Variants in STK36 observed in about 807,000 individuals in gnomAD.
STK36 encodes the protein serine/threonine kinase 36.
STK36 carries 116 observed loss-of-function variants against 142.2 expected under a neutral mutation model. The ratio of observed to expected loss-of-function variants is 0.82; its 90% CI spans 0.70 to 0.95. The LOEUF (loss-of-function observed/expected upper bound fraction) is 0.95, where lower values mean the gene tolerates loss of function less well. Among genes scored for constraint, STK36 ranks in the 40% least tolerant of loss-of-function variants. STK36 has a pLI of 0.00. For synonymous variants in STK36, 619 were observed against 641.7 expected, an observed-to-expected ratio of 0.96 and a Z score of 0.53; for missense variants, 1,422 against 1,617.2, an observed-to-expected ratio of 0.88 and a Z score of 2.07.
intron 7 of STK36, 35 bp downstream of exon 7, chr2:218,679,296 C>G: frequency 6.3e-7 from 1 of 1,583,230 alleles, no homozygotes; most frequent in Non-Finnish European, 8.7e-7. Flanking sequence ...TCTTGGACTT[C>G]CCAGTACTTC....
chr2:218,691,347 G>C (rs1049916203), intron 14 of STK36, among the ~76,000 whole-genome samples: 1 of 152,172 alleles, frequency 6.6e-6, no homozygotes, highest in Non-Finnish European at 1.5e-5. Context: ...CCTGGTCTGA[G>C]ATCCTGTTTT....
intron 4 of STK36, among the ~76,000 whole-genome samples, chr2:218,674,854 C>T (rs1353580197): frequency 2.0e-5 from 3 of 152,180 alleles, no homozygotes; most frequent in Non-Finnish European, 4.4e-5. Context: ...CCCGCCTCAG[C>T]CTCCCAAAGT....
At chr2:218,681,760 T>C (rs1237651558) in intron 10 of STK36, among the ~76,000 whole-genome samples, 2 of 152,146 alleles carry the variant, frequency 1.3e-5, no homozygotes, top group East Asian at 3.9e-4. Flanking sequence ...AACTCACTCC[T>C]GCAAGGCCTT....
rs932150537 is a variant in STK36, at chr2:218,694,724, A to G, written c.2511+89A>G. On this transcript the variant is annotated intron_variant, in intron 21 of 26. Transcript: ENST00000295709. This position sits in a 1 kb window ranked among gnomAD's most constrained non-coding sequence, Gnocchi z 4.4. Reference sequence around the variant, plus strand: ...AGGGGAAAAGACTGAAATGCCAGCAAGCCTGGAGTAAACTGAGGAATGGAA... The same window carrying G: ...AGGGGAAAAGACTGAAATGCCAGCAGGCCTGGAGTAAACTGAGGAATGGAA... The G allele has an allele frequency of 8.8e-7, 1 of 1,136,234 alleles. No individual in the cohort carries two copies. The highest frequency in any genetic ancestry group is 2.4e-5 in the East Asian group (1 of 41,032). 70.4% of individuals were successfully genotyped at this position (1,136,234 alleles called of 1,614,324 possible).
intron 21 of STK36, among the ~76,000 whole-genome samples, chr2:218,695,940 T>G (rs1941218596): frequency 6.8e-6 from 1 of 146,678 alleles, no homozygotes. Context: ...CTCGGCTCAC[T>G]GCAACCTCCA....
intron 9 of STK36, 124 bp downstream of exon 9, chr2:218,680,204 A>T (rs939602362): frequency 2.2e-6 from 2 of 895,092 alleles, no homozygotes; most frequent in Non-Finnish European, 1.7e-6. Flanking sequence ...GAGCCTCGAG[A>T]GTCTGAGTCC....
Position 218,672,177 on chromosome 2 carries a change from T to C in STK36, c.-128T>C, listed in dbSNP as rs1416539011. On this transcript the variant is annotated 5_prime_UTR_variant, in exon 1 of 27. Transcript: ENST00000295709. ...TCCATTCCACACCTCTGAGCGCCTTTGTCCTCTGAACTTCTCACCAGTTCT... is the reference window on the plus strand; with the variant it reads ...TCCATTCCACACCTCTGAGCGCCTTCGTCCTCTGAACTTCTCACCAGTTCT... 4 of 610,854 alleles carry C rather than the reference T, an allele frequency of 6.5e-6. No individual in the cohort carries two copies. Among genetic ancestry groups the C allele is most frequent in the Non-Finnish European group, 1.2e-5 (4 of 344,838 alleles). 37.8% of individuals were successfully genotyped at this position (610,854 alleles called of 1,614,324 possible). A position where few individuals can be genotyped will look rare whatever the true frequency, so the allele number is the denominator to read the frequency against.
At chr2:218,697,440 G>A in intron 23 of STK36, 23 bp from the exon 24 acceptor site, 1 of 1,613,102 alleles carries the variant, frequency 6.2e-7, no homozygotes, top group Non-Finnish European at 8.5e-7. Flanking sequence ...GTTCCATTGG[G>A]TCTCCATTTT....
intron 26 of STK36, among the ~76,000 whole-genome samples, chr2:218,701,005 C>T (rs1348248350): frequency 1.4e-5 from 2 of 143,832 alleles, no homozygotes; most frequent in African/African-American, 5.4e-5. Flanking sequence ...TAGCGAGACT[C>T]TGTCTCAAAA....
At chr2:218,674,368 C>T (rs1940137650) in intron 4 of STK36, among the ~76,000 whole-genome samples, 1 of 152,078 alleles carries the variant, frequency 6.6e-6, no homozygotes, top group Admixed American at 6.6e-5. Context: ...TGTAATGGTA[C>T]CAGAAAGAGG....
chr2:218,697,554 C>T lies in STK36; in HGVS notation c.2853C>T (p.Leu951=), dbSNP rs765137519. The change falls in exon 24 of 27, where the codon CTC becomes CTT. Residue 951 remains leucine, a synonymous_variant. Transcript: ENST00000295709. Reference sequence around the variant, plus strand: ...GCCTGTCCCAGCATGGAAGTATCCTCATGTCCATCCTGAAGCATCTGCTTT... The same window carrying T: ...GCCTGTCCCAGCATGGAAGTATCCTTATGTCCATCCTGAAGCATCTGCTTT... ...LSCLSQHGSI[L]MSILKHLLCP... 2.5e-6 allele frequency: 4 copies of T among 1,614,126 alleles called. No homozygotes were observed. The African/African-American group carries it at 4.0e-5, about 16-fold the overall frequency.
Position 218,688,548 on chromosome 2 carries a change from T to A in STK36, c.1381-149T>A. 3 of 899,350 alleles carry A rather than the reference T, an allele frequency of 3.3e-6. No homozygotes were observed. The South Asian group carries it at 4.9e-5, about 15-fold the overall frequency. The allele number at this position is 899,350 out of a possible 1,614,324, so 55.7% of individuals were successfully genotyped here. ...TGGTACAGTTCCCCTATTTCCCTGC[T>A]TTCCTTCTCTGTGTTTTAGACTTGC... On this transcript the variant is annotated intron_variant, in intron 11 of 26. Coordinates refer to ENST00000295709, the MANE Select transcript of STK36 (RefSeq NM_015690.5).
chr2:218,701,381 C>T (rs143858118), intron 26 of STK36, among the ~76,000 whole-genome samples: 4,103 of 151,908 alleles, frequency 0.027, 181 homozygotes, highest in African/African-American at 0.094. Flanking sequence ...ACCTCGTGAC[C>T]CGCCCGCCTT....
At chr2:218,687,709 A>C (rs1179425857) in intron 11 of STK36, among the ~76,000 whole-genome samples, 1 of 152,222 alleles carries the variant, frequency 6.6e-6, no homozygotes, top group East Asian at 1.9e-4. Flanking sequence ...CTTATGCAGA[A>C]GCTTCAGTTT....
In STK36 at chr2:218,679,929, G is replaced by A. The variant is rs34027859; in HGVS notation, c.985G>A (p.Asp329Asn). Residue 329 changes from aspartate (D) to asparagine (N), a missense_variant, in exon 9 of 27, where the codon GAC (aspartate) becomes AAC (asparagine). Asp to Asn is a conservative substitution (Grantham distance 23). Coordinates refer to ENST00000295709, the MANE Select transcript of STK36 (RefSeq NM_015690.5). ...QNTGPALEQEDKTSKVAPGTA... is the reference protein window; with the variant it reads ...QNTGPALEQENKTSKVAPGTA... ...CACAGGACCTGCCCTTGAGCAAGAGGACAAGACCAGCAAGGTGGCTCCTGG... is the reference window on the plus strand; with the variant it reads ...CACAGGACCTGCCCTTGAGCAAGAGAACAAGACCAGCAAGGTGGCTCCTGG... 2.2e-3 allele frequency: 3,481 copies of A among 1,614,134 alleles called. 65 individuals carry two copies. In the African/African-American group the frequency reaches 0.04, roughly 19 times the overall value.
chr2:218,695,222 C>CTTT (rs531122836), intron 21 of STK36, among the ~76,000 whole-genome samples: 149 of 88,110 alleles, frequency 1.7e-3, no homozygotes, highest in Non-Finnish European at 2.4e-3. Context: ...ATTGTCATCC[C>CTTT]TTTTTTTTTT....
At chr2:218,686,004 C>G (rs1405802344) in intron 11 of STK36, among the ~76,000 whole-genome samples, 1 of 150,924 alleles carries the variant, frequency 6.6e-6, no homozygotes, top group South Asian at 2.1e-4. Context: ...GTGGTGTGAT[C>G]TCGGCTCACT....
At chr2:218,700,750 G>C (rs1396878181) in intron 26 of STK36, among the ~76,000 whole-genome samples, 1 of 151,248 alleles carries the variant, frequency 6.6e-6, no homozygotes, top group Admixed American at 6.6e-5. Flanking sequence ...TGTGGCTCTT[G>C]CCTGTAATCC....
chr2:218,699,734 C>A (rs950471313), intron 26 of STK36, among the ~76,000 whole-genome samples: 2 of 151,928 alleles, frequency 1.3e-5, no homozygotes, highest in African/African-American at 4.8e-5. Flanking sequence ...AGCATTTTAC[C>A]TTTATTATCT....
Sources: allele counts gnomAD v4.1 joint callset (sites outside exome capture counted in the v4.1 genomes callset), GRCh38; gene constraint gnomAD v4.1.1; non-coding constraint Gnocchi (gnomAD v3.1); transcripts MANE v1.5; gene names NCBI Gene and HGNC (gene_info 2026-07-23, HGNC 2026-07-21).